The following MPPED1 variants were observed in gnomAD, a reference collection of about 807,000 sequenced individuals.
MPPED1 encodes the protein metallophosphoesterase domain-containing protein 1.
In MPPED1, 16 loss-of-function variants were observed where a neutral mutation model predicts 36.2. That is an observed-to-expected ratio of 0.44 (90% CI 0.30 to 0.67). MPPED1 has a LOEUF of 0.67. Ranked by LOEUF, MPPED1 falls within the 30% of genes least tolerant of loss-of-function variation. MPPED1 has a pLI of 0.10. For synonymous variants in MPPED1, 199 were observed against 191.3 expected (o/e 1.04, Z -0.33); for missense variants, 307 against 453.4 (o/e 0.68, Z 2.93).
intron 3 of MPPED1, among the ~76,000 whole-genome samples, chr22:43,466,278 G>A (rs1337762473): frequency 6.6e-6 from 1 of 152,154 alleles, no homozygotes; most frequent in East Asian, 1.9e-4. Context: ...CAGGGGGTCT[G>A]CAGCTCATTG....
chr22:43,435,325 C>A (rs1273484577), intron 3 of MPPED1, 110 bp downstream of exon 3: 9 of 1,247,338 alleles, frequency 7.2e-6, no homozygotes, highest in Non-Finnish European at 9.9e-6. Flanking sequence ...CGGGCCCCCT[C>A]CTTGGCCTGT....
chr22:43,413,158 C>T lies in MPPED1; in HGVS notation c.-79+1000C>T, dbSNP rs558471851. 2.0e-5 allele frequency among the ~76,000 whole-genome samples: 3 copies of T among 152,238 alleles called. No individual in the cohort carries two copies. In the South Asian group the frequency reaches 6.2e-4, roughly 31 times the overall value. On this transcript the variant is annotated intron_variant, in intron 1 of 6. Coordinates refer to ENST00000443721, the MANE Select transcript of MPPED1 (RefSeq NM_001044370.2). ...CAGAGTTTCTTTGCCTTCCCCCTCC[C>T]CATTTCCCCTGCTCTATTGAATGGC...
intron 2 of MPPED1, among the ~76,000 whole-genome samples, chr22:43,433,402 A>G (rs1929835106): frequency 6.6e-6 from 1 of 151,552 alleles, no homozygotes; most frequent in South Asian, 2.1e-4. Flanking sequence ...CAGGGCTGGC[A>G]CACGGTAGTC....
At chr22:43,415,225 C>CAAAAA (rs34357060) in intron 1 of MPPED1, among the ~76,000 whole-genome samples, 45 of 49,394 alleles carry the variant, frequency 9.1e-4, no homozygotes, top group East Asian at 2.0e-3. Context: ...ATGTCAAAAG[C>CAAAAA]AAAAAAAAAA....
intron 3 of MPPED1, among the ~76,000 whole-genome samples, chr22:43,437,505 G>A (rs1433201627): frequency 6.6e-6 from 1 of 152,124 alleles, no homozygotes; most frequent in Non-Finnish European, 1.5e-5. Flanking sequence ...CTGAACTCTT[G>A]GTATAGCTCT....
rs1166222062 is a variant in MPPED1, at chr22:43,500,201, A to ATGGTGATGGAGGTGGTG, written c.748+1851_748+1852insTGGTGATGGAGGTGGTG. Among the ~76,000 whole-genome samples the ATGGTGATGGAGGTGGTG allele has an allele frequency of 4.5e-4, 4 of 8,922 alleles. No homozygotes were observed. In the South Asian group the frequency reaches 0.016, roughly 35 times the overall value. 5.9% of individuals were successfully genotyped at this position (8,922 alleles called of 152,430 possible). ...TGGTGGTGATGGTGATGGAGGTGGTAATGGAGGTGGTGGGGGTGATGGTGG... is the reference window on the plus strand; with the variant it reads ...TGGTGGTGATGGTGATGGAGGTGGTATGGTGATGGAGGTGGTGATGGAGGTGGTGGGGGTGATGGTGG... On this transcript the variant is annotated intron_variant, in intron 5 of 6. Coordinates refer to ENST00000443721, the MANE Select transcript of MPPED1 (RefSeq NM_001044370.2).
chr22:43,483,215 T>G (rs1218034229), intron 4 of MPPED1, among the ~76,000 whole-genome samples: 1 of 152,212 alleles, frequency 6.6e-6, no homozygotes, highest in Non-Finnish European at 1.5e-5. Context: ...ACGAGACAGG[T>G]TAATCTCCTG....
chr22:43,471,474 T>TA (rs1931375038), intron 3 of MPPED1, among the ~76,000 whole-genome samples: 1 of 152,170 alleles, frequency 6.6e-6, no homozygotes, highest in South Asian at 2.1e-4. Flanking sequence ...CCGTGGGGCC[T>TA]GGGTGGGTTT....
chr22:43,497,547 G>A (rs1300335973), intron 4 of MPPED1, among the ~76,000 whole-genome samples: 3 of 152,066 alleles, frequency 2.0e-5, no homozygotes, highest in African/African-American at 4.8e-5. Flanking sequence ...AAGGATCTAG[G>A]TGATGTGTTC....
At chr22:43,422,802 A>G (rs559021735) in intron 1 of MPPED1, among the ~76,000 whole-genome samples, 76 of 152,188 alleles carry the variant, frequency 5.0e-4, no homozygotes, top group Middle Eastern at 3.4e-3. Context: ...TTACTTCTTC[A>G]TTTAACCTGC....
At chr22:43,448,998 G>C (rs1930463284) in intron 3 of MPPED1, among the ~76,000 whole-genome samples, 1 of 151,432 alleles carries the variant, frequency 6.6e-6, no homozygotes, top group African/African-American at 2.4e-5. Flanking sequence ...TTTTTTTTTA[G>C]GCAAATTCTT....
chr22:43,433,878 C>T (rs1231720984), intron 2 of MPPED1, among the ~76,000 whole-genome samples: 3 of 152,234 alleles, frequency 2.0e-5, no homozygotes, highest in Admixed American at 6.5e-5. Flanking sequence ...GCAGCATACT[C>T]ATTTGGAGAG....
chr22:43,455,448 G>C (rs999477388), intron 3 of MPPED1, among the ~76,000 whole-genome samples: 3 of 152,098 alleles, frequency 2.0e-5, no homozygotes, highest in Non-Finnish European at 4.4e-5. Context: ...CATTGGATTA[G>C]AGCCCTCTCA....
Position 43,505,800 on chromosome 22 carries a change from TC to T in MPPED1, c.*188del. ...TCACCTGGAGTTGGGACCCTGCGCA[TC>T]CCCATCAGGGGTTCTGTGCTCATTT... On this transcript the variant is annotated 3_prime_UTR_variant, in exon 7 of 7. Coordinates refer to ENST00000443721, the MANE Select transcript of MPPED1 (RefSeq NM_001044370.2). 1 of 572,608 alleles carries T rather than the reference TC, an allele frequency of 1.7e-6. No individual in the cohort carries two copies. The highest frequency in any genetic ancestry group is 2.9e-5 in the East Asian group (1 of 34,322). 35.5% of individuals were successfully genotyped at this position (572,608 alleles called of 1,614,324 possible).
rs543348385 is a variant in MPPED1, at chr22:43,474,420, A to C, written c.407-316A>C. ...TCAGGCTGCTGCCTCCTTTGATCTG[A>C]TGAAGACACCTGTTGGGGGCCTGGC... On this transcript the variant is annotated intron_variant, in intron 3 of 6. Coordinates refer to ENST00000443721, the MANE Select transcript of MPPED1 (RefSeq NM_001044370.2). This position sits in a 1 kb window ranked among gnomAD's most constrained non-coding sequence, Gnocchi z 5.2. 1.3e-5 allele frequency among the ~76,000 whole-genome samples: 2 copies of C among 152,330 alleles called. No homozygotes were observed. The highest frequency in any genetic ancestry group is 4.8e-5 in the African/African-American group (2 of 41,588).
At chr22:43,504,144 CAAT>C (rs1006238441) in intron 6 of MPPED1, among the ~76,000 whole-genome samples, 2 of 150,928 alleles carry the variant, frequency 1.3e-5, no homozygotes, top group Non-Finnish European at 3.0e-5. Flanking sequence ...GTAATAATGT[CAAT>C]GATGATGATG....
chr22:43,444,975 G>A (rs183349608), intron 3 of MPPED1, among the ~76,000 whole-genome samples: 10 of 152,266 alleles, frequency 6.6e-5, no homozygotes, highest in South Asian at 2.1e-4. Context: ...TAGCTCAGAC[G>A]GAGGGCCTAG....
intron 2 of MPPED1, among the ~76,000 whole-genome samples, chr22:43,426,373 G>A (rs1929471588): frequency 6.6e-6 from 1 of 152,172 alleles, no homozygotes; most frequent in Non-Finnish European, 1.5e-5. Context: ...GCAGAGCAGG[G>A]AGGTGACAGC....
intron 4 of MPPED1, among the ~76,000 whole-genome samples, chr22:43,485,794 T>C (rs1931895154): frequency 6.6e-6 from 1 of 152,210 alleles, no homozygotes; most frequent in Non-Finnish European, 1.5e-5. Flanking sequence ...GGAAAATTAA[T>C]TAGGAATGAC....
Sources: allele counts gnomAD v4.1 joint callset (sites outside exome capture counted in the v4.1 genomes callset), GRCh38; gene constraint gnomAD v4.1.1; non-coding constraint Gnocchi (gnomAD v3.1); transcripts MANE v1.5; gene names NCBI Gene and HGNC (gene_info 2026-07-23, HGNC 2026-07-21).